FRMPD3: variants seen among roughly 807,000 people sequenced by gnomAD.
The protein encoded by FRMPD3 is FERM and PDZ domain-containing protein 3.
A neutral mutation model predicts 97.9 loss-of-function variants in FRMPD3; 42 were observed. The observed-to-expected ratio is 0.43, with a 90% CI of 0.34 to 0.55. The LOEUF is 0.55. Among genes scored for constraint, FRMPD3 ranks in the 20% least tolerant of loss-of-function variants. FRMPD3 has a pLI of 0.03. For missense variants in FRMPD3, 1,303 were observed against 1,457.7 expected (o/e 0.89, Z 1.73); for synonymous variants, 577 against 581.1 (o/e 0.99, Z 0.10).
chrX:107,532,457 G>T (rs1923010569), intron 3 of FRMPD3, among the ~76,000 whole-genome samples: 1 of 112,592 alleles, frequency 8.9e-6, no homozygotes, highest in Non-Finnish European at 1.9e-5. Context: ...CATAGGGACT[G>T]TGGCTTTGTT....
intron 13 of FRMPD3, among the ~76,000 whole-genome samples, chrX:107,585,513 C>T (rs751149102): frequency 1.8e-5 from 2 of 111,386 alleles, no homozygotes; most frequent in Admixed American, 9.6e-5. Context: ...ATCCTTGTCT[C>T]GTACTGGTTT....
rs909773538 is a variant in FRMPD3 at position 107,500,121 on chromosome X, C to T, written c.-7-26461C>T. Among the ~76,000 whole-genome samples, 51 of 111,968 alleles carry T rather than the reference C, an allele frequency of 4.6e-4. 1 individual carries two copies. Among genetic ancestry groups the T allele is most frequent in the African/African-American group, 1.4e-3 (44 of 30,776 alleles). Reference sequence around the variant, plus strand: ...TATTCTTTTAATAAAAACGGCAACACAACAGTACAAATACAATATTAAATG... The same window carrying T: ...TATTCTTTTAATAAAAACGGCAACATAACAGTACAAATACAATATTAAATG... On this transcript the variant is annotated intron_variant, in intron 1 of 14. Coordinates refer to ENST00000683843, the MANE Select transcript of FRMPD3 (RefSeq NM_001388459.1).
Position 107,600,815 on chromosome X carries a change from G to A in FRMPD3, c.2776G>A (p.Val926Ile). The change falls in exon 15 of 15, where the codon GTC becomes ATC. Residue 926 changes from valine to isoleucine, a missense_variant. Physicochemically the swap from Val to Ile is conservative, Grantham distance 29. This residue lies in a region of FRMPD3 where 764 missense variants were observed against 820.2 expected (regional missense o/e 0.93). Coordinates refer to ENST00000683843, the MANE Select transcript of FRMPD3 (RefSeq NM_001388459.1). ...AATSSLSEEQ[V>I]SELRDNLPKE... Reference sequence around the variant, plus strand: ...CACATCATCCCTCAGTGAAGAGCAGGTCTCTGAGCTGAGGGACAACCTGCC... The same window carrying A: ...CACATCATCCCTCAGTGAAGAGCAGATCTCTGAGCTGAGGGACAACCTGCC... The A allele has an allele frequency of 8.3e-7, 1 of 1,209,081 alleles. No homozygotes were observed. Among genetic ancestry groups the A allele is most frequent in the Non-Finnish European group, 1.1e-6 (1 of 894,462 alleles).
chrX:107,573,532 G>A (rs1922992258), intron 12 of FRMPD3, among the ~76,000 whole-genome samples: 1 of 111,568 alleles, frequency 9.0e-6, no homozygotes, highest in African/African-American at 3.3e-5. Flanking sequence ...TTAACTGGAG[G>A]TACGAAAGTC....
chrX:107,452,068 A>C (rs1931301573), intron 1 of FRMPD3, among the ~76,000 whole-genome samples: 1 of 112,093 alleles, frequency 8.9e-6, no homozygotes, highest in Non-Finnish European at 1.9e-5. Context: ...ATAGAGGTTT[A>C]CTGCTTACAC....
At chrX:107,461,495 A>T (rs1192269221) in intron 1 of FRMPD3, among the ~76,000 whole-genome samples, 1 of 110,357 alleles carries the variant, frequency 9.1e-6, no homozygotes, top group African/African-American at 3.3e-5. Flanking sequence ...GACCATTCCC[A>T]CAGCCACCAT....
Position 107,602,340 on chromosome X carries a change from T to C in FRMPD3, c.4301T>C (p.Ile1434Thr). ...AAGGAGGTAGAGGCAAGCCTCCCCA[T>C]AGCCTTGGGTCCCAAAAGCAGGTCT... The part of the protein sequence containing the change: ...EAKEVEASLP[I>T]ALGPKSRSLE... The change falls in exon 15 of 15, where the codon ATA (isoleucine) becomes ACA (threonine). Residue 1434 changes from isoleucine (I) to threonine (T), a missense_variant. Coordinates refer to ENST00000683843, the MANE Select transcript of FRMPD3 (RefSeq NM_001388459.1). 1 of 1,210,136 alleles carries C rather than the reference T, an allele frequency of 8.3e-7. No homozygotes were observed. The highest frequency in any genetic ancestry group is 1.1e-6 in the Non-Finnish European group (1 of 895,015).
chrX:107,456,550 C>A (rs1447379356), intron 1 of FRMPD3, among the ~76,000 whole-genome samples: 1 of 112,213 alleles, frequency 8.9e-6, no homozygotes, highest in Non-Finnish European at 1.9e-5. Context: ...AACTACAGAA[C>A]TGCTAATACA....
chrX:107,464,360 GT>G (rs200582324), intron 1 of FRMPD3, among the ~76,000 whole-genome samples: 76 of 106,230 alleles, frequency 7.2e-4, no homozygotes, highest in African/African-American at 2.0e-3. Context: ...TATTTATTTT[GT>G]TTTTTTTTGC....
At chrX:107,598,687 C>T (rs1171737409) in intron 14 of FRMPD3, among the ~76,000 whole-genome samples, 1 of 112,078 alleles carries the variant, frequency 8.9e-6, no homozygotes. Context: ...CTTACTCTCT[C>T]TGAACCTCAT....
At chrX:107,462,533 A>G (rs1433240723) in intron 1 of FRMPD3, among the ~76,000 whole-genome samples, 2 of 112,173 alleles carry the variant, frequency 1.8e-5, no homozygotes, top group Non-Finnish European at 3.8e-5. Context: ...TTCCTCTTCC[A>G]GGTGAGGAAT....
rs186295700 is a variant in FRMPD3, at chrX:107,479,142, T to A, written c.-8+29137T>A. Among the ~76,000 whole-genome samples, 30 of 112,169 alleles carry A rather than the reference T, an allele frequency of 2.7e-4. No homozygotes were observed. The East Asian group carries it at 6.5e-3, about 24-fold the overall frequency. ...TGGCATCACAGTGCTGGGATTTGTA[T>A]GGATTTATTTGATGTATTTGTTTAT... On this transcript the variant is annotated intron_variant, in intron 1 of 14. Coordinates refer to ENST00000683843, the MANE Select transcript of FRMPD3 (RefSeq NM_001388459.1).
chrX:107,533,060 T>C (rs1923036502), intron 3 of FRMPD3, among the ~76,000 whole-genome samples: 1 of 111,841 alleles, frequency 8.9e-6, no homozygotes. Flanking sequence ...TTTGGGTTTT[T>C]CCTTTGAATT....
Position 107,601,097 on chromosome X carries a change from T to A in FRMPD3, c.3058T>A (p.Trp1020Arg), listed in dbSNP as rs780089779. ...KISPSAPETSWNSQHQLGAEV... is the reference protein window; with the variant it reads ...KISPSAPETSRNSQHQLGAEV... ...TAGCCCCAGTGCTCCAGAGACCTCATGGAATTCTCAACATCAGCTGGGTGC... is the reference window on the plus strand; with the variant it reads ...TAGCCCCAGTGCTCCAGAGACCTCAAGGAATTCTCAACATCAGCTGGGTGC... The change falls in exon 15 of 15, where the codon TGG (tryptophan) becomes AGG (arginine). Residue 1020 changes from tryptophan (W) to arginine (R), a missense_variant. By Grantham distance (101) the Trp-to-Arg change is moderately radical (BLOSUM62 -3). This residue lies in a region of FRMPD3 where 764 missense variants were observed against 820.2 expected (regional missense o/e 0.93). Coordinates refer to ENST00000683843, the MANE Select transcript of FRMPD3 (RefSeq NM_001388459.1). The A allele has an allele frequency of 9.2e-5, 111 of 1,207,906 alleles. 1 individual carries two copies. In the Middle Eastern group the frequency reaches 2.3e-3, roughly 25 times the overall value.
In FRMPD3 at chrX:107,479,737, T is replaced by C. The variant is rs536193623; in HGVS notation, c.-8+29732T>C. 5.0e-4 allele frequency among the ~76,000 whole-genome samples: 55 copies of C among 110,141 alleles called. No homozygotes were observed. In the Middle Eastern group the frequency reaches 0.014, roughly 28 times the overall value. On this transcript the variant is annotated intron_variant, in intron 1 of 14. Transcript: ENST00000683843. ...AAGCTCTGGAGATGAATGGTGGTGATGGTTTCACAACATTGTGAAGGGACC... is the reference window on the plus strand; with the variant it reads ...AAGCTCTGGAGATGAATGGTGGTGACGGTTTCACAACATTGTGAAGGGACC...
At chrX:107,487,982 G>A (rs186690440) in intron 1 of FRMPD3, among the ~76,000 whole-genome samples, 97 of 111,554 alleles carry the variant, frequency 8.7e-4, no homozygotes, top group African/African-American at 2.9e-3. Context: ...AAGTCCCTTG[G>A]TCATTTTCTC....
rs1191227799 is a variant in FRMPD3, at chrX:107,601,009, C to G, written c.2970C>G (p.Ser990Arg). 8.3e-7 allele frequency: 1 copy of G among 1,204,820 alleles called. No homozygotes were observed. The highest frequency in any genetic ancestry group is 1.1e-6 in the Non-Finnish European group (1 of 892,950). The part of the protein sequence containing the change: ...PSRGERRLEA[S>R]MGRPEVSMMS... ...GGGGTGAGAGAAGGCTGGAGGCCAG[C>G]ATGGGGAGGCCAGAGGTTAGCATGA... Residue 990 changes from serine (S) to arginine (R), a missense_variant, in exon 15 of 15, where the codon AGC becomes AGG. Around this residue, in one of 3 missense-constraint regions of FRMPD3, gnomAD observed 764 missense variants for 820.2 expected, o/e 0.93. Transcript: ENST00000683843.
At chrX:107,555,395 G>A (rs1011377437) in intron 8 of FRMPD3, among the ~76,000 whole-genome samples, 1 of 111,906 alleles carries the variant, frequency 8.9e-6, no homozygotes, top group African/African-American at 3.3e-5. Flanking sequence ...TAGATTCTTT[G>A]CAATTTCATG....
chrX:107,449,681 C>T lies in FRMPD3; in HGVS notation c.-332C>T, dbSNP rs1013871226. Among the ~76,000 whole-genome samples, 1 of 108,498 alleles carries T rather than the reference C, an allele frequency of 9.2e-6. No homozygotes were observed. Among genetic ancestry groups the T allele is most frequent in the Non-Finnish European group, 1.9e-5 (1 of 51,808 alleles). The allele number at this position is 108,498 out of a possible 115,157, so 94.2% of individuals were successfully genotyped here. A position where few individuals can be genotyped will look rare whatever the true frequency, so the allele number is the denominator to read the frequency against. ...CTGGAGCGAGAGAGCGACGAGCGAG[C>T]CACGGCGATGGTGCCGCCCGCGGCG... On this transcript the variant is annotated 5_prime_UTR_variant, in exon 1 of 15. Coordinates refer to ENST00000683843, the MANE Select transcript of FRMPD3 (RefSeq NM_001388459.1).
Sources: gnomAD v4.1 joint callset for allele counts (sites outside exome capture counted in the v4.1 genomes callset) on GRCh38, gnomAD v4.1.1 for gene constraint, gnomAD v4.1.1 regional missense constraint, MANE v1.5 for transcripts, NCBI Gene and HGNC (gene_info 2026-07-23, HGNC 2026-07-21) for gene names.